The following FLI1 variants were observed in gnomAD, a reference collection of about 807,000 sequenced individuals.
The protein encoded by FLI1 is Friend leukemia integration 1 transcription factor.
In FLI1, 13 loss-of-function variants were observed where a neutral mutation model predicts 53.1. That is an observed-to-expected ratio of 0.24 (90% confidence interval 0.16 to 0.39). The LOEUF (loss-of-function observed/expected upper bound fraction) is 0.39. Ranked by LOEUF, FLI1 falls within the 10% of genes least tolerant of loss-of-function variation. FLI1 has a pLI of 1.00. For synonymous variants in FLI1, 244 were observed against 236.7 expected (o/e 1.03, Z -0.28); for missense variants, 424 against 600.5 (o/e 0.71, Z 3.07).
At chr11:128,705,453 T>G (rs1744768603) in intron 1 of FLI1, among the ~76,000 whole-genome samples, 1 of 152,354 alleles carries the variant, frequency 6.6e-6, no homozygotes, top group Non-Finnish European at 1.5e-5. Context: ...CCTTCGTTCT[T>G]TCTTCCTTTC....
chr11:128,793,697 C>T (rs1266108476), intron 5 of FLI1, among the ~76,000 whole-genome samples: 1 of 152,214 alleles, frequency 6.6e-6, no homozygotes, highest in Non-Finnish European at 1.5e-5. Flanking sequence ...CCCTTAAATG[C>T]ACCCTGAATA....
At chr11:128,749,039 T>C (rs193229652) in intron 1 of FLI1, among the ~76,000 whole-genome samples, 3 of 152,328 alleles carry the variant, frequency 2.0e-5, no homozygotes, top group Admixed American at 2.0e-4. Context: ...AATTCCACTA[T>C]GTGTCTATCA....
intron 5 of FLI1, among the ~76,000 whole-genome samples, chr11:128,792,070 T>C (rs1942291457): frequency 6.6e-6 from 1 of 152,230 alleles, no homozygotes; most frequent in African/African-American, 2.4e-5. Context: ...TCCTATTCAT[T>C]TCACATTTAT....
chr11:128,779,967 G>T (rs1473858580), intron 4 of FLI1, among the ~76,000 whole-genome samples: 11 of 152,196 alleles, frequency 7.2e-5, no homozygotes, highest in Non-Finnish European at 1.6e-4. Context: ...TAGCACAATG[G>T]CAAGTATTTG....
At chr11:128,742,678 A>G (rs1015669081) in intron 1 of FLI1, among the ~76,000 whole-genome samples, 2 of 152,276 alleles carry the variant, frequency 1.3e-5, no homozygotes, top group Non-Finnish European at 2.9e-5. Flanking sequence ...AGATTTTAGA[A>G]CAGTGCCAGC....
chr11:128,805,886 C>T (rs1942769992), intron 6 of FLI1: 1 of 153,482 alleles, frequency 6.5e-6, no homozygotes, highest in Admixed American at 6.5e-5. Flanking sequence ...TGTCTCAGAA[C>T]CCTGCCATCT....
Position 128,790,408 on chromosome 11 carries a change from A to G in FLI1, c.655+8385A>G, listed in dbSNP as rs187565947. ...TCGTTGTCTCTAAGCTGGAGCAGGC[A>G]GGAAACCCCAATCCCTCGGGAACTT... On this transcript the variant is annotated intron_variant, in intron 5 of 8. Transcript: ENST00000527786. 1.1e-3 allele frequency among the ~76,000 whole-genome samples: 168 copies of G among 152,306 alleles called. 1 individual carries two copies. The highest frequency in any genetic ancestry group is 3.7e-3 in the African/African-American group (155 of 41,566).
At chr11:128,765,062 AGAG>A (rs1941282013) in intron 2 of FLI1, among the ~76,000 whole-genome samples, 5 of 151,522 alleles carry the variant, frequency 3.3e-5, no homozygotes. Flanking sequence ...GGGGAGGGAG[AGAG>A]GAGGAGGGAA....
At chr11:128,751,864 C>T (rs1015621747) in intron 1 of FLI1, among the ~76,000 whole-genome samples, 44 of 148,888 alleles carry the variant, frequency 3.0e-4, no homozygotes, top group Admixed American at 1.4e-3. Context: ...AGTTATGCCA[C>T]GTTACCTAGG....
intron 5 of FLI1, among the ~76,000 whole-genome samples, chr11:128,787,934 G>A (rs996400100): frequency 6.6e-6 from 1 of 151,456 alleles, no homozygotes; most frequent in Non-Finnish European, 1.5e-5. Flanking sequence ...AGCCTCCTGA[G>A]TAGCTGGGAC....
At chr11:128,759,491 G>A (rs1311761755) in intron 2 of FLI1, among the ~76,000 whole-genome samples, 2 of 152,188 alleles carry the variant, frequency 1.3e-5, no homozygotes, top group South Asian at 4.1e-4. Flanking sequence ...AAATAATGAA[G>A]TTCGGAACTA....
In FLI1 at chr11:128,813,179, A is replaced by G. The variant is rs1942971451; in HGVS notation, c.*2191A>G. 6.4e-6 allele frequency: 1 copy of G among 157,466 alleles called. No homozygotes were observed. The highest frequency in any genetic ancestry group is 2.2e-4 in the South Asian group (1 of 4,498). 9.8% of individuals were successfully genotyped at this position (157,466 alleles called of 1,614,324 possible). On this transcript the variant is annotated 3_prime_UTR_variant, in exon 9 of 9. Transcript: ENST00000527786. ...ATTGATTTATAAATCATATATACAA[A>G]CTGTTACATTATTCTTCATATTAGA...
chr11:128,794,343 G>A (rs535650), intron 5 of FLI1, among the ~76,000 whole-genome samples: 56,186 of 152,094 alleles, frequency 0.37, 10,872 homozygotes, highest in East Asian at 0.52. Flanking sequence ...GTTCTGCCTA[G>A]TATACTGATT....
At position 128,694,133 on chromosome 11, in the gene FLI1, G is replaced by T; in HGVS notation, c.-126G>T. On this transcript the variant is annotated 5_prime_UTR_variant, in exon 1 of 9. Transcript: ENST00000527786. ...GGAGTGAGGGCAGGGCGCTCGCAGG[G>T]GGCACGCAGGGAGGGCCCAGGGCGC... The T allele has an allele frequency of 1.0e-6, 1 of 993,674 alleles. No individual in the cohort carries two copies. The highest frequency in any genetic ancestry group is 1.4e-6 in the Non-Finnish European group (1 of 704,934). 61.6% of individuals were successfully genotyped at this position (993,674 alleles called of 1,614,324 possible). A position where few individuals can be genotyped will look rare whatever the true frequency, so the allele number is the denominator to read the frequency against.
At position 128,810,399 on chromosome 11, in the gene FLI1, G is replaced by A. The variant is rs895372612; in HGVS notation, c.830-60G>A. 2 of 1,492,702 alleles carry A rather than the reference G, an allele frequency of 1.3e-6. No homozygotes were observed. The highest frequency in any genetic ancestry group is 2.8e-5 in the African/African-American group (2 of 70,270). 92.5% of individuals were successfully genotyped at this position (1,492,702 alleles called of 1,614,324 possible). A position where few individuals can be genotyped will look rare whatever the true frequency, so the allele number is the denominator to read the frequency against. Reference sequence around the variant, plus strand: ...GAAGCTCCCTGCATTTAGGGAACTGGGTTCTGCCTTCTCTGGGCTGAGGTG... The same window carrying A: ...GAAGCTCCCTGCATTTAGGGAACTGAGTTCTGCCTTCTCTGGGCTGAGGTG... On this transcript the variant is annotated intron_variant, in intron 8 of 8. Coordinates refer to ENST00000527786, the MANE Select transcript of FLI1 (RefSeq NM_002017.5). This position sits in a 1 kb window ranked among gnomAD's most constrained non-coding sequence, Gnocchi z 6.6.
chr11:128,710,795 A>T (rs1309877090), intron 1 of FLI1, among the ~76,000 whole-genome samples: 1 of 152,224 alleles, frequency 6.6e-6, no homozygotes, highest in African/African-American at 2.4e-5. Flanking sequence ...TTTGCATTTG[A>T]TATGGGAGCA....
intron 1 of FLI1, among the ~76,000 whole-genome samples, chr11:128,744,410 T>C (rs950840304): frequency 2.6e-5 from 4 of 152,256 alleles, no homozygotes; most frequent in African/African-American, 9.6e-5. Context: ...TTCTGTACTA[T>C]AATTTGTGAA....
At chr11:128,737,114 C>T (rs957363113) in intron 1 of FLI1, among the ~76,000 whole-genome samples, 2 of 152,204 alleles carry the variant, frequency 1.3e-5, no homozygotes, top group Non-Finnish European at 2.9e-5. Flanking sequence ...ATAGGGACTT[C>T]GGAAAGCCCT....
chr11:128,754,081 AT>A (rs5795636), intron 1 of FLI1, among the ~76,000 whole-genome samples: 46,715 of 151,736 alleles, frequency 0.31, 7,495 homozygotes, highest in Admixed American at 0.42. Flanking sequence ...CCTTGCCCAT[AT>A]TGGCTTTTCA....
Sources: gnomAD v4.1 joint callset for allele counts (sites outside exome capture counted in the v4.1 genomes callset) on GRCh38, gnomAD v4.1.1 for gene constraint, Gnocchi (gnomAD v3.1) non-coding constraint, MANE v1.5 for transcripts, NCBI Gene and HGNC (gene_info 2026-07-23, HGNC 2026-07-21) for gene names.